KAZN: variants seen among roughly 807,000 people sequenced by gnomAD.
KAZN encodes the protein kazrin, periplakin interacting protein.
In KAZN, 40 loss-of-function variants were observed where a neutral mutation model predicts 87.4. That is an observed-to-expected ratio of 0.46 (90% CI 0.36 to 0.60). The LOEUF (loss-of-function observed/expected upper bound fraction) is 0.60. Among genes scored for constraint, KAZN ranks in the 20% least tolerant of loss-of-function variants. The pLI is 0.00. For synonymous variants in KAZN, 466 were observed against 458.3 expected (o/e 1.02, Z -0.22); for missense variants, 898 against 1,073.9 (o/e 0.84, Z 2.29).
chr1:13,981,532 A>C (rs1638709536), intron 1 of KAZN, among the ~76,000 whole-genome samples: 1 of 152,078 alleles, frequency 6.6e-6, no homozygotes. Context: ...GCCATATTTA[A>C]ATCCACCAGA....
intron 10 of KAZN, among the ~76,000 whole-genome samples, chr1:15,095,589 G>A (rs1640772290): frequency 1.3e-5 from 2 of 152,180 alleles, no homozygotes; most frequent in South Asian, 4.2e-4. Flanking sequence ...AGGGTAAAGG[G>A]AAGGAACCCC....
chr1:15,019,531 A>G (rs186438560), intron 2 of KAZN, among the ~76,000 whole-genome samples: 1 of 152,248 alleles, frequency 6.6e-6, no homozygotes, highest in East Asian at 1.9e-4. Flanking sequence ...TGGGATTACA[A>G]GCGCCCGCCA....
intron 1 of KAZN, among the ~76,000 whole-genome samples, chr1:14,146,472 G>T (rs1337206308): frequency 1.4e-5 from 2 of 140,516 alleles, no homozygotes; most frequent in Non-Finnish European, 3.0e-5. Flanking sequence ...GGAGACGGAA[G>T]TTGCAGTAGG....
intron 2 of KAZN, among the ~76,000 whole-genome samples, chr1:14,988,636 C>G (rs939722149): frequency 1.3e-5 from 2 of 152,234 alleles, no homozygotes; most frequent in Non-Finnish European, 2.9e-5. Flanking sequence ...GTCCGTCCAG[C>G]CAGCTGTGCT....
At chr1:14,566,208 A>G (rs1462064782) in intron 2 of KAZN, among the ~76,000 whole-genome samples, 1 of 152,232 alleles carries the variant, frequency 6.6e-6, no homozygotes, top group Non-Finnish European at 1.5e-5. Context: ...GTTAGCAGGT[A>G]TGAAAATAGC....
chr1:14,698,351 G>T (rs925585113), intron 1 of KAZN, among the ~76,000 whole-genome samples: 1 of 152,164 alleles, frequency 6.6e-6, no homozygotes. Flanking sequence ...GGCATCTGCC[G>T]CTTGATGCCA....
chr1:14,378,396 C>T (rs558219294), intron 2 of KAZN, among the ~76,000 whole-genome samples: 3 of 152,184 alleles, frequency 2.0e-5, no homozygotes, highest in East Asian at 1.9e-4. Context: ...ACTATCTGCA[C>T]GAAGAAACAA....
Position 14,398,445 on chromosome 1 carries a change from A to G in KAZN, c.250-200538A>G, listed in dbSNP as rs546457808. 5.9e-5 allele frequency among the ~76,000 whole-genome samples: 9 copies of G among 152,346 alleles called. No individual in the cohort carries two copies. The East Asian group carries it at 1.7e-3, about 29-fold the overall frequency. On this transcript the variant is annotated intron_variant, in intron 2 of 16. Transcript: ENST00000636203. ...GTGAGGATCGAATGGGTTAATGCAT[A>G]TAATGCACCTGAAACAGTGCCTGGT...
At chr1:13,929,797 T>C (rs1640438150) in intron 1 of KAZN, among the ~76,000 whole-genome samples, 1 of 152,198 alleles carries the variant, frequency 6.6e-6, no homozygotes, top group Non-Finnish European at 1.5e-5. Flanking sequence ...GTAGAATGTA[T>C]TAAGTGTTTG....
intron 2 of KAZN, among the ~76,000 whole-genome samples, chr1:14,576,443 G>A (rs1192789886): frequency 6.9e-6 from 1 of 144,670 alleles, no homozygotes; most frequent in African/African-American, 2.9e-5. Flanking sequence ...ATGGAACAAT[G>A]GATGGATGGA....
chr1:14,785,925 G>A lies in KAZN; in HGVS notation c.227-174759G>A, dbSNP rs184550751. ...GTCTCTGGGTTGAAACCTCAGCCCT[G>A]CCACTTAGTGTCTGTGAGACAAGTT... On this transcript the variant is annotated intron_variant, in intron 1 of 14. Transcript: ENST00000376030. Among the ~76,000 whole-genome samples, 6 of 152,272 alleles carry A rather than the reference G, an allele frequency of 3.9e-5. No individual in the cohort carries two copies. In the East Asian group the frequency reaches 1.2e-3, roughly 29 times the overall value.
intron 1 of KAZN, among the ~76,000 whole-genome samples, chr1:14,108,727 C>A (rs932785253): frequency 1.3e-5 from 2 of 152,134 alleles, no homozygotes; most frequent in African/African-American, 4.8e-5. Flanking sequence ...TGTGGACTTG[C>A]CCATTTGTTC....
At chr1:14,596,777 T>C (rs1676537406), upstream of KAZN, among the ~76,000 whole-genome samples, 1 of 152,248 alleles carries the variant, frequency 6.6e-6, no homozygotes, top group African/African-American at 2.4e-5. Flanking sequence ...GTAGCATGTA[T>C]CAGTACTCTT....
exon 1 of KAZN, chr1:13,893,220 G>A (rs747614590): frequency 1.3e-5 from 2 of 153,332 alleles, no homozygotes; most frequent in African/African-American, 4.8e-5. Context: ...GAGACGCCGC[G>A]GGGCCTGGGC....
intron 1 of KAZN, among the ~76,000 whole-genome samples, chr1:14,660,816 G>C (rs565902349): frequency 1.8e-4 from 27 of 152,242 alleles, no homozygotes; most frequent in African/African-American, 6.3e-4. Flanking sequence ...ACAGAAAGTG[G>C]CTGTGCAAAT....
At chr1:14,646,807 G>A (rs1680845191) in intron 1 of KAZN, among the ~76,000 whole-genome samples, 1 of 152,174 alleles carries the variant, frequency 6.6e-6, no homozygotes, top group Admixed American at 6.5e-5. Context: ...CCCATTAGTT[G>A]TTTCCTTTCT....
At chr1:14,304,160 G>A (rs1654757507) in intron 2 of KAZN, among the ~76,000 whole-genome samples, 1 of 152,078 alleles carries the variant, frequency 6.6e-6, no homozygotes, top group South Asian at 2.1e-4. Context: ...GTAGAAAATG[G>A]GCCCAGAAGA....
rs369068100 is a variant in KAZN, at chr1:14,095,324, A to T, written c.92-85111A>T. 6.3e-4 allele frequency among the ~76,000 whole-genome samples: 96 copies of T among 152,276 alleles called. No individual in the cohort carries two copies. The South Asian group carries it at 0.019, about 30-fold the overall frequency. On this transcript the variant is annotated intron_variant, in intron 1 of 16. Coordinates refer to the KAZN transcript ENST00000636203. ...AGTTATTTAAATAGGTTTTCTTCTT[A>T]CTTTATTCTTTCTTTCTGAGCCTGT...
chr1:14,109,436 T>C (rs562719608), intron 1 of KAZN, among the ~76,000 whole-genome samples: 1 of 152,318 alleles, frequency 6.6e-6, no homozygotes, highest in African/African-American at 2.4e-5. Context: ...GCTGTGTGTG[T>C]GTGCATGTGT....
Sources: gnomAD v4.1 joint callset for allele counts (sites outside exome capture counted in the v4.1 genomes callset) on GRCh38, gnomAD v4.1.1 for gene constraint, MANE v1.5 for transcripts, NCBI Gene and HGNC (gene_info 2026-07-23, HGNC 2026-07-21) for gene names.